DNAJC1: variants seen among roughly 807,000 people sequenced by gnomAD.
The protein encoded by DNAJC1 is dnaJ homolog subfamily C member 1.
DNAJC1 carries 58 observed loss-of-function variants against 76.6 expected under a neutral mutation model. The ratio of observed to expected loss-of-function variants is 0.76; its 90% confidence interval spans 0.61 to 0.94. The LOEUF is 0.94. Among genes scored for constraint, DNAJC1 ranks in the 40% least tolerant of loss-of-function variants. The pLI is 0.00. For missense variants in DNAJC1, 689 were observed against 677.3 expected, an observed-to-expected ratio of 1.02 and a Z score of -0.19; for synonymous variants, 258 against 267.9, an observed-to-expected ratio of 0.96 and a Z score of 0.36.
chr10:22,003,207 G>T lies in DNAJC1; in HGVS notation c.222+6C>A. The T allele has an allele frequency of 1.3e-6, 2 of 1,546,026 alleles. No homozygotes were observed. Among genetic ancestry groups the T allele is most frequent in the East Asian group, 2.6e-5 (1 of 38,104 alleles). On this transcript the variant is annotated splice_donor_region_variant and intron_variant, in intron 1 of 11. Coordinates refer to ENST00000376980, the MANE Select transcript of DNAJC1 (RefSeq NM_022365.4). Reference sequence around the variant, plus strand: ...TCCGCCCGGCCCCGCGCGCCTCCTTGCTTACCTGCTGCACCCCGAGGAACT... The same window carrying T: ...TCCGCCCGGCCCCGCGCGCCTCCTTTCTTACCTGCTGCACCCCGAGGAACT...
At chr10:21,816,246 G>A (rs1478243611) in intron 8 of DNAJC1, among the ~76,000 whole-genome samples, 1 of 151,666 alleles carries the variant, frequency 6.6e-6, no homozygotes, top group Non-Finnish European at 1.5e-5. Context: ...TGTAATCCCA[G>A]CTACTTGGGT....
At chr10:21,810,882 A>G (rs1478768608) in intron 8 of DNAJC1, among the ~76,000 whole-genome samples, 1 of 152,184 alleles carries the variant, frequency 6.6e-6, no homozygotes, top group African/African-American at 2.4e-5. Flanking sequence ...CAACTGGTAA[A>G]TATTTTGGTA....
intron 8 of DNAJC1, among the ~76,000 whole-genome samples, chr10:21,879,527 G>C (rs1836237962): frequency 3.9e-5 from 6 of 152,094 alleles, no homozygotes; most frequent in Admixed American, 3.9e-4. Context: ...AGGAGGCTGA[G>C]ACACAAGAAT....
chr10:21,996,609 G>C (rs2131851798), intron 1 of DNAJC1, among the ~76,000 whole-genome samples: 1 of 152,238 alleles, frequency 6.6e-6, no homozygotes, highest in Middle Eastern at 3.4e-3. Flanking sequence ...TTAGGCTATT[G>C]TCTATGAATA....
intron 6 of DNAJC1, among the ~76,000 whole-genome samples, chr10:21,918,375 GTTTTT>G (rs11440840): frequency 1.4e-5 from 2 of 139,006 alleles, no homozygotes; most frequent in Non-Finnish European, 3.1e-5. Flanking sequence ...TTCATGTAAA[GTTTTT>G]TTTTTTTTTT....
At chr10:21,875,203 T>C (rs575858744) in intron 8 of DNAJC1, among the ~76,000 whole-genome samples, 29 of 152,156 alleles carry the variant, frequency 1.9e-4, no homozygotes, top group Middle Eastern at 3.4e-3. Context: ...TTTGAGACAG[T>C]GGAGTACAGT....
intron 11 of DNAJC1, among the ~76,000 whole-genome samples, chr10:21,758,505 C>T (rs1564778378): frequency 1.3e-5 from 2 of 152,226 alleles, no homozygotes; most frequent in South Asian, 4.1e-4. Flanking sequence ...AATATCTGAG[C>T]AGGCACCAAG....
chr10:21,886,111 C>A (rs139819570), intron 7 of DNAJC1, among the ~76,000 whole-genome samples: 84 of 150,912 alleles, frequency 5.6e-4, no homozygotes, highest in Middle Eastern at 3.4e-3. Context: ...GAGAGAAAAC[C>A]CCAAAAACCA....
intron 8 of DNAJC1, among the ~76,000 whole-genome samples, chr10:21,861,687 C>T (rs1463140598): frequency 6.6e-6 from 1 of 152,056 alleles, no homozygotes; most frequent in African/African-American, 2.4e-5. Flanking sequence ...CACGAGTGAC[C>T]TCTGGTGGTC....
chr10:21,982,860 G>A (rs1262116042), intron 1 of DNAJC1, among the ~76,000 whole-genome samples: 1 of 152,130 alleles, frequency 6.6e-6, no homozygotes, highest in African/African-American at 2.4e-5. Flanking sequence ...AATACTGCCT[G>A]GGCAACAAAT....
At chr10:21,852,206 A>ACTT (rs1835768353) in intron 8 of DNAJC1, among the ~76,000 whole-genome samples, 1 of 152,154 alleles carries the variant, frequency 6.6e-6, no homozygotes, top group African/African-American at 2.4e-5. Context: ...TGCTAAGAGA[A>ACTT]AGGAGGCAGA....
At chr10:21,969,334 CA>C (rs2131826810) in intron 1 of DNAJC1, among the ~76,000 whole-genome samples, 1 of 151,590 alleles carries the variant, frequency 6.6e-6, no homozygotes, top group South Asian at 2.1e-4. Context: ...CGGGGGATAT[CA>C]GACATATTTA....
intron 3 of DNAJC1, 38 bp downstream of exon 3, chr10:21,928,468 T>C: frequency 6.4e-6 from 10 of 1,572,166 alleles, no homozygotes; most frequent in Non-Finnish European, 8.7e-6. Context: ...AGCATGAAAC[T>C]ATAACATCTT....
At chr10:21,796,961 C>T (rs188174266) in intron 9 of DNAJC1, among the ~76,000 whole-genome samples, 26 of 152,184 alleles carry the variant, frequency 1.7e-4, no homozygotes, top group African/African-American at 6.3e-4. Context: ...TATAGTCCCA[C>T]TTCTTTATTT....
At chr10:21,963,312 C>T (rs1564839665) in intron 1 of DNAJC1, among the ~76,000 whole-genome samples, 1 of 152,116 alleles carries the variant, frequency 6.6e-6, no homozygotes, top group Non-Finnish European at 1.5e-5. Flanking sequence ...AGCTGCTAAG[C>T]GTTAACACTG....
chr10:21,817,846 C>G (rs182504080), intron 8 of DNAJC1, among the ~76,000 whole-genome samples: 93 of 152,288 alleles, frequency 6.1e-4, no homozygotes, highest in Middle Eastern at 3.4e-3. Flanking sequence ...CTTATCACTT[C>G]CCCAATCAAT....
At chr10:21,915,331 G>A (rs1320125059) in intron 6 of DNAJC1, among the ~76,000 whole-genome samples, 1 of 152,202 alleles carries the variant, frequency 6.6e-6, no homozygotes, top group African/African-American at 2.4e-5. Flanking sequence ...CCTTATGTAT[G>A]TGAAGCGTAG....
intron 10 of DNAJC1, among the ~76,000 whole-genome samples, chr10:21,764,739 T>C (rs921345049): frequency 1.3e-5 from 2 of 152,200 alleles, no homozygotes; most frequent in African/African-American, 4.8e-5. Context: ...TAAAGGCTAT[T>C]AAAAAACAAA....
intron 8 of DNAJC1, chr10:21,865,469 A>C (rs140029471): frequency 1.6e-4 from 25 of 152,278 alleles, no homozygotes; most frequent in African/African-American, 6.0e-4. Flanking sequence ...GTCAGACAAA[A>C]TAGAATTTAC....
Sources: allele counts gnomAD v4.1 joint callset (sites outside exome capture counted in the v4.1 genomes callset), GRCh38; gene constraint gnomAD v4.1.1; transcripts MANE v1.5; gene names NCBI Gene and HGNC (gene_info 2026-07-23, HGNC 2026-07-21).